Variants in EHBP1 observed in about 807,000 individuals in gnomAD.
EHBP1 encodes EH domain binding protein 1.
EHBP1 carries 55 observed loss-of-function variants against 144.0 expected under a neutral mutation model. The ratio of observed to expected loss-of-function variants is 0.38; its 90% CI spans 0.31 to 0.48. EHBP1 has a LOEUF of 0.48. Ranked by LOEUF, EHBP1 falls within the 20% of genes least tolerant of loss-of-function variation. The probability of loss-of-function intolerance (pLI) is 0.98; values close to 1 mark genes in which losing one functional copy is unlikely to be tolerated. For missense variants in EHBP1, 1,200 were observed against 1,364.2 expected (o/e 0.88, Z 1.90); for synonymous variants, 469 against 472.7 (o/e 0.99, Z 0.10).
At position 62,901,829 on chromosome 2, in the gene EHBP1, G is replaced by A. The variant is rs568825176; in HGVS notation, c.1185+27297G>A. ...AAAAATATGGAAATCAGCAGGGCGT[G>A]GCAGCGATTCCTGACGTCCCAGCTG... On this transcript the variant is annotated intron_variant, in intron 10 of 22. Coordinates refer to ENST00000431489, the MANE Select transcript of EHBP1 (RefSeq NM_001142616.3). Among the ~76,000 whole-genome samples the A allele has an allele frequency of 1.6e-4, 24 of 152,034 alleles. No individual in the cohort carries two copies. In the East Asian group the frequency reaches 4.3e-3, roughly 27 times the overall value.
chr2:63,045,411 G>A lies in EHBP1; in HGVS notation c.3394G>A (p.Ala1132Thr). 1 of 1,614,060 alleles carries A rather than the reference G, an allele frequency of 6.2e-7. No individual in the cohort carries two copies. The highest frequency in any genetic ancestry group is 1.1e-5 in the South Asian group (1 of 91,080). The change falls in exon 23 of 23, where the codon GCC becomes ACC. Residue 1132 changes from alanine (A) to threonine (T), a missense_variant and splice_region_variant. This residue lies in a region of EHBP1 where 149 missense variants were observed against 217.0 expected (regional missense o/e 0.69). Transcript: ENST00000431489. The surrounding 1 kb of genome is among the most constrained non-coding windows in gnomAD (Gnocchi z 5.7). ...TTGTCCTGTTTGTCTGACATCCAGGGCCGAAGAAGAAGATGAGCATTTGGA... is the reference window on the plus strand; with the variant it reads ...TTGTCCTGTTTGTCTGACATCCAGGACCGAAGAAGAAGATGAGCATTTGGA... ...VRDLDAQEKQAEEEDEHLERT... is the reference protein window; with the variant it reads ...VRDLDAQEKQTEEEDEHLERT...
intron 10 of EHBP1, among the ~76,000 whole-genome samples, chr2:62,925,037 A>G (rs2055385711): frequency 6.6e-6 from 1 of 152,258 alleles, no homozygotes; most frequent in Non-Finnish European, 1.5e-5. Context: ...TAGCCCAAAA[A>G]TGCAAGAATG....
Position 62,676,671 on chromosome 2 carries a change from C to T in EHBP1, c.-296+2588C>T, listed in dbSNP as rs566371097. Among the ~76,000 whole-genome samples the T allele has an allele frequency of 3.3e-5, 5 of 152,206 alleles. No individual in the cohort carries two copies. In the East Asian group the frequency reaches 9.6e-4, roughly 29 times the overall value. On this transcript the variant is annotated intron_variant, in intron 1 of 22. Coordinates refer to the EHBP1 transcript ENST00000405015. The stretch of plus-strand genomic sequence containing the variant: ...ATTTATCAAGCCACAAAAGACCAAG[C>T]CATTGTTTTGCTGGAAAAGCAGGCA...
At chr2:62,779,273 CT>C (rs2042261049) in intron 5 of EHBP1, among the ~76,000 whole-genome samples, 1 of 152,196 alleles carries the variant, frequency 6.6e-6, no homozygotes, top group African/African-American at 2.4e-5. Flanking sequence ...GCATACTCCA[CT>C]TTTTGTTCTT....
At chr2:63,003,237 G>A (rs545869826) in intron 19 of EHBP1, among the ~76,000 whole-genome samples, 6 of 152,034 alleles carry the variant, frequency 3.9e-5, no homozygotes, top group African/African-American at 1.2e-4. Context: ...AATGGTAAAC[G>A]TAATTGAATT....
intron 5 of EHBP1, among the ~76,000 whole-genome samples, chr2:62,793,271 C>T (rs1408715775): frequency 3.3e-5 from 5 of 152,066 alleles, no homozygotes; most frequent in Non-Finnish European, 4.4e-5. Flanking sequence ...AACATATCCA[C>T]AATGATTGAC....
intron 1 of EHBP1, among the ~76,000 whole-genome samples, chr2:62,689,423 G>A (rs1468273110): frequency 3.9e-5 from 6 of 152,092 alleles, no homozygotes; most frequent in Admixed American, 2.0e-4. Flanking sequence ...TGGGCAGATC[G>A]CTTGAGGCCA....
intron 3 of EHBP1, among the ~76,000 whole-genome samples, chr2:62,754,302 C>T (rs918310150): frequency 6.6e-6 from 1 of 152,120 alleles, no homozygotes; most frequent in East Asian, 1.9e-4. Context: ...GGCTGCAGAA[C>T]AGCAAATGTT....
chr2:62,984,218 T>C (rs2059095842), intron 15 of EHBP1, among the ~76,000 whole-genome samples: 1 of 151,940 alleles, frequency 6.6e-6, no homozygotes, highest in African/African-American at 2.4e-5. Flanking sequence ...AGATATTCTC[T>C]CTCTCTCTCT....
intron 1 of EHBP1, among the ~76,000 whole-genome samples, chr2:62,692,297 T>C (rs1201531040): frequency 6.6e-6 from 1 of 152,238 alleles, no homozygotes; most frequent in Non-Finnish European, 1.5e-5. Flanking sequence ...AATTTGGGTT[T>C]CTTCCACTAT....
At chr2:62,732,550 G>A (rs2037708143) in intron 2 of EHBP1, among the ~76,000 whole-genome samples, 2 of 152,038 alleles carry the variant, frequency 1.3e-5, no homozygotes, top group Non-Finnish European at 2.9e-5. Flanking sequence ...AGATCTAGTT[G>A]TTTAAAATGT....
intron 5 of EHBP1, among the ~76,000 whole-genome samples, chr2:62,785,628 G>C (rs936046693): frequency 7.2e-5 from 11 of 152,150 alleles, no homozygotes; most frequent in African/African-American, 2.6e-4. Flanking sequence ...GGATATATCA[G>C]TGATTTTTTT....
At chr2:62,940,119 A>C (rs1574149922) in intron 10 of EHBP1, 1 of 418,238 alleles carries the variant, frequency 2.4e-6, no homozygotes, top group East Asian at 6.6e-5. Flanking sequence ...TTTGAGAATC[A>C]CTACAAGAAA....
At chr2:62,748,382 C>T (rs577554861) in intron 3 of EHBP1, among the ~76,000 whole-genome samples, 2 of 152,078 alleles carry the variant, frequency 1.3e-5, no homozygotes, top group Admixed American at 1.3e-4. Context: ...TGGCCAGATT[C>T]TATCCTTACG....
At chr2:62,851,496 G>T (rs1038566001) in intron 7 of EHBP1, among the ~76,000 whole-genome samples, 4 of 152,126 alleles carry the variant, frequency 2.6e-5, no homozygotes, top group Non-Finnish European at 4.4e-5. Flanking sequence ...CTCTCTTTCA[G>T]TTAGTTTCCC....
At chr2:62,895,278 TATCATCATCATCATC>T (rs10700628) in intron 10 of EHBP1, among the ~76,000 whole-genome samples, 424 of 149,798 alleles carry the variant, frequency 2.8e-3, no homozygotes, top group African/African-American at 8.9e-3. Context: ...ATGTAAATTC[TATCATCATCATCATC>T]ATCATCATCA....
At chr2:62,741,162 G>T (rs2038673181) in intron 2 of EHBP1, among the ~76,000 whole-genome samples, 1 of 152,022 alleles carries the variant, frequency 6.6e-6, no homozygotes, top group Non-Finnish European at 1.5e-5. Context: ...AGATAGTGTG[G>T]GGAAATATAC....
At chr2:62,967,907 G>T (rs974417478) in intron 14 of EHBP1, among the ~76,000 whole-genome samples, 1 of 151,634 alleles carries the variant, frequency 6.6e-6, no homozygotes, top group Non-Finnish European at 1.5e-5. Context: ...TCAAGTTTAC[G>T]CAGGAGAAAA....
At chr2:62,959,758 T>G (rs531112881) in intron 14 of EHBP1, among the ~76,000 whole-genome samples, 3 of 152,292 alleles carry the variant, frequency 2.0e-5, no homozygotes, top group African/African-American at 7.2e-5. Flanking sequence ...GGGTGGCTAA[T>G]GAGTTATAGG....
Sources: gnomAD v4.1 joint callset for allele counts (sites outside exome capture counted in the v4.1 genomes callset) on GRCh38, gnomAD v4.1.1 for gene constraint, gnomAD v4.1.1 regional missense constraint, Gnocchi (gnomAD v3.1) non-coding constraint, MANE v1.5 for transcripts, NCBI Gene and HGNC (gene_info 2026-07-23, HGNC 2026-07-21) for gene names.